GMEB2: variants seen among roughly 807,000 people sequenced by gnomAD.
GMEB2 encodes the protein glucocorticoid modulatory element binding protein 2.
A neutral mutation model predicts 45.7 loss-of-function variants in GMEB2; 7 were observed. That is an observed-to-expected ratio of 0.15 (90% CI 0.09 to 0.29). GMEB2 has a LOEUF of 0.29. GMEB2 is among the 10% of genes least tolerant of loss of function. GMEB2 has a pLI of 1.00. For missense variants in GMEB2, 582 were observed against 739.2 expected (o/e 0.79, Z 2.47); for synonymous variants, 322 against 323.6 (o/e 1.00, Z 0.05).
intron 2 of GMEB2, among the ~76,000 whole-genome samples, chr20:63,606,859 C>T (rs1211209474): frequency 6.6e-6 from 1 of 152,174 alleles, no homozygotes; most frequent in African/African-American, 2.4e-5. Flanking sequence ...AAACAGAAAC[C>T]AGTACATGAG....
At chr20:63,613,019 T>G (rs972914876) in intron 2 of GMEB2, among the ~76,000 whole-genome samples, 3 of 152,042 alleles carry the variant, frequency 2.0e-5, no homozygotes, top group African/African-American at 7.2e-5. Context: ...TGGAGTGCAG[T>G]GGCGCAATCT....
rs1447671898 is a variant in GMEB2 at position 63,627,084 on chromosome 20, G to A, written c.-186C>T. On this transcript the variant is annotated 5_prime_UTR_variant, in exon 1 of 10. Coordinates refer to ENST00000370077, the MANE Select transcript of GMEB2 (RefSeq NM_012384.5). ...GGGGATTCGGCGGCGGCGGCGGCGC[G>A]GGCGCGCGCTTCCTAGTGACGCAGG... 1.3e-5 allele frequency: 2 copies of A among 152,988 alleles called. No individual in the cohort carries two copies. The highest frequency in any genetic ancestry group is 2.4e-5 in the African/African-American group (1 of 41,274). 9.5% of individuals were successfully genotyped at this position (152,988 alleles called of 1,614,324 possible). A position where few individuals can be genotyped will look rare whatever the true frequency, so the allele number is the denominator to read the frequency against.
intron 2 of GMEB2, among the ~76,000 whole-genome samples, chr20:63,607,260 C>A (rs34295132): frequency 4.0e-4 from 56 of 138,472 alleles, no homozygotes; most frequent in Non-Finnish European, 6.7e-4. Flanking sequence ...GAAACATGCC[C>A]CTCTGACCCC....
At chr20:63,618,054 C>A (rs6010973) in intron 2 of GMEB2, among the ~76,000 whole-genome samples, 76,759 of 152,148 alleles carry the variant, frequency 0.5, 20,497 homozygotes, top group Middle Eastern at 0.66. Flanking sequence ...GCAGCCGCGG[C>A]CACGGCGTCC....
intron 6 of GMEB2, among the ~76,000 whole-genome samples, chr20:63,594,287 C>T (rs1432483364): frequency 6.6e-6 from 1 of 152,246 alleles, no homozygotes; most frequent in Non-Finnish European, 1.5e-5. Context: ...AGCTGTGAGG[C>T]ACTGACTACA....
At position 63,592,926 on chromosome 20, in the gene GMEB2, TG is replaced by T; in HGVS notation, c.691+84del. ...ACCCTGCCGGCCCCACCTGGACTCC[TG>T]GAGCCCCTGTGTGGCCCGAGGTGGG... is the stretch of plus-strand genomic sequence containing the variant. On this transcript the variant is annotated intron_variant, in intron 7 of 9. Coordinates refer to ENST00000370077, the MANE Select transcript of GMEB2 (RefSeq NM_012384.5). This position sits in a 1 kb window ranked among gnomAD's most constrained non-coding sequence, Gnocchi z 8.2. 1 of 905,366 alleles carries T rather than the reference TG, an allele frequency of 1.1e-6. No individual in the cohort carries two copies. Among genetic ancestry groups the T allele is most frequent in the Non-Finnish European group, 1.8e-6 (1 of 558,530 alleles). 56.1% of individuals were successfully genotyped at this position (905,366 alleles called of 1,614,324 possible).
intron 3 of GMEB2, among the ~76,000 whole-genome samples, chr20:63,603,395 A>T (rs562582612): frequency 6.6e-6 from 1 of 152,248 alleles, no homozygotes; most frequent in Non-Finnish European, 1.5e-5. Flanking sequence ...AATTCTAGGG[A>T]AACCTAAGGT....
chr20:63,605,526 T>TAA (rs11306158), intron 2 of GMEB2, among the ~76,000 whole-genome samples: 11,204 of 128,186 alleles, frequency 0.087, 503 homozygotes, highest in Non-Finnish European at 0.096. Context: ...CCGTCAAAAT[T>TAA]AAAAAAAAAA....
chr20:63,605,921 T>C (rs1340483908), intron 2 of GMEB2, among the ~76,000 whole-genome samples: 2 of 151,098 alleles, frequency 1.3e-5, no homozygotes, highest in African/African-American at 2.4e-5. Flanking sequence ...TACCACTGCA[T>C]TCCAGCCTGG....
chr20:63,599,450 T>C (rs986541434), intron 4 of GMEB2, among the ~76,000 whole-genome samples: 1 of 152,232 alleles, frequency 6.6e-6, no homozygotes, highest in Non-Finnish European at 1.5e-5. Flanking sequence ...CATGATCTGC[T>C]GGTGGCAAAC....
chr20:63,611,335 GGGCGT>G (rs1457654149), intron 2 of GMEB2, among the ~76,000 whole-genome samples: 1 of 152,224 alleles, frequency 6.6e-6, no homozygotes, highest in African/African-American at 2.4e-5. Flanking sequence ...GAAACAGGCT[GGGCGT>G]GGTGGCTCAT....
In GMEB2 at chr20:63,594,979, C is replaced by G. The variant is rs1460432044; in HGVS notation, c.619+631G>C. 2.0e-5 allele frequency among the ~76,000 whole-genome samples: 3 copies of G among 152,222 alleles called. No individual in the cohort carries two copies. In the South Asian group the frequency reaches 6.2e-4, roughly 31 times the overall value. On this transcript the variant is annotated intron_variant, in intron 6 of 9. Transcript: ENST00000370077. Reference sequence around the variant, plus strand: ...GGCCAGGCTGGCCTCAAGTGATCCACCCGCCTCGGCTTCCCAAAGTGCTGG... The same window carrying G: ...GGCCAGGCTGGCCTCAAGTGATCCAGCCGCCTCGGCTTCCCAAAGTGCTGG...
Position 63,589,516 on chromosome 20 carries a change from T to C in GMEB2, c.*573A>G. 1 of 256,714 alleles carries C rather than the reference T, an allele frequency of 3.9e-6. No individual in the cohort carries two copies. The highest frequency in any genetic ancestry group is 7.3e-6 in the Non-Finnish European group (1 of 136,462). The allele number at this position is 256,714 out of a possible 1,614,324, so 15.9% of individuals were successfully genotyped here. A position where few individuals can be genotyped will look rare whatever the true frequency, so the allele number is the denominator to read the frequency against. On this transcript the variant is annotated 3_prime_UTR_variant, in exon 10 of 10. Transcript: ENST00000370077. ...CAGGATCTGCACCCCAAGCTCCGGG[T>C]GCATGTTCCCAACTGGAGGAGAACG...
chr20:63,626,147 C>T (rs1029371121), intron 1 of GMEB2, among the ~76,000 whole-genome samples: 1 of 152,246 alleles, frequency 6.6e-6, no homozygotes, highest in African/African-American at 2.4e-5. Flanking sequence ...GATCCAGGTC[C>T]CGCCTGTGAG....
In GMEB2 at chr20:63,619,574, TC is replaced by T. The variant is rs2089631971; in HGVS notation, c.-57-121del. 2 of 540,420 alleles carry T rather than the reference TC, an allele frequency of 3.7e-6. No homozygotes were observed. The highest frequency in any genetic ancestry group is 7.0e-5 in the East Asian group (2 of 28,710). 33.5% of individuals were successfully genotyped at this position (540,420 alleles called of 1,614,324 possible). A position where few individuals can be genotyped will look rare whatever the true frequency, so the allele number is the denominator to read the frequency against. On this transcript the variant is annotated intron_variant, in intron 1 of 9. Transcript: ENST00000370077. This position sits in a 1 kb window ranked among gnomAD's most constrained non-coding sequence, Gnocchi z 4.6. ...CACCCTTGAGTCCCAGACTGCTACC[TC>T]CTGACAAAAACGAGCGGCAACAGAA... is the stretch of plus-strand genomic sequence containing the variant.
rs979369415 is a variant in GMEB2, at chr20:63,589,513, G to A, written c.*576C>T. The A allele has an allele frequency of 3.4e-5, 9 of 262,256 alleles. No homozygotes were observed. Among genetic ancestry groups the A allele is most frequent in the Non-Finnish European group, 5.7e-5 (8 of 140,018 alleles). 16.2% of individuals were successfully genotyped at this position (262,256 alleles called of 1,614,324 possible). On this transcript the variant is annotated 3_prime_UTR_variant, in exon 10 of 10. Transcript: ENST00000370077. ...CATCAGGATCTGCACCCCAAGCTCC[G>A]GGTGCATGTTCCCAACTGGAGGAGA...
In GMEB2 at chr20:63,619,682, G is replaced by T. The variant is rs952504296; in HGVS notation, c.-57-228C>A. On this transcript the variant is annotated intron_variant, in intron 1 of 9. Coordinates refer to ENST00000370077, the MANE Select transcript of GMEB2 (RefSeq NM_012384.5). This position sits in a 1 kb window ranked among gnomAD's most constrained non-coding sequence, Gnocchi z 4.6. ...CCACTGGATAAGCCGAAACCCTTGGGTAGAAAGCACAGAGCCACTCCCTCC... is the reference window on the plus strand; with the variant it reads ...CCACTGGATAAGCCGAAACCCTTGGTTAGAAAGCACAGAGCCACTCCCTCC... 1.1e-5 allele frequency: 3 copies of T among 261,676 alleles called. No individual in the cohort carries two copies. Among genetic ancestry groups the T allele is most frequent in the Non-Finnish European group, 2.2e-5 (3 of 134,794 alleles). The allele number at this position is 261,676 out of a possible 1,614,324, so 16.2% of individuals were successfully genotyped here.
At chr20:63,606,865 A>G (rs1227436046) in intron 2 of GMEB2, among the ~76,000 whole-genome samples, 1 of 152,156 alleles carries the variant, frequency 6.6e-6, no homozygotes, top group Non-Finnish European at 1.5e-5. Context: ...AAACCAGTAC[A>G]TGAGGCCACT....
intron 1 of GMEB2, among the ~76,000 whole-genome samples, chr20:63,621,367 A>G (rs1381385296): frequency 6.6e-6 from 1 of 152,174 alleles, no homozygotes; most frequent in Non-Finnish European, 1.5e-5. Context: ...ATGGTGCTGA[A>G]CCACACATTT....
Sources: gnomAD v4.1 joint callset for allele counts (sites outside exome capture counted in the v4.1 genomes callset) on GRCh38, gnomAD v4.1.1 for gene constraint, Gnocchi (gnomAD v3.1) non-coding constraint, MANE v1.5 for transcripts, NCBI Gene and HGNC (gene_info 2026-07-23, HGNC 2026-07-21) for gene names.